Variants in SCAMP1 observed in about 807,000 individuals in gnomAD.
The protein encoded by SCAMP1 is secretory carrier membrane protein 1.
SCAMP1 carries 15 observed loss-of-function variants against 41.8 expected under a neutral mutation model. The observed-to-expected ratio is 0.36, with a 90% CI of 0.24 to 0.55. The LOEUF is 0.55. SCAMP1 is among the 20% of genes least tolerant of loss of function. SCAMP1 has a pLI of 0.86. For missense variants in SCAMP1, 341 were observed against 412.6 expected, an observed-to-expected ratio of 0.83 and a Z score of 1.50; for synonymous variants, 135 against 136.8, an observed-to-expected ratio of 0.99 and a Z score of 0.09.
chr5:78,446,932 A>T (rs531449748), intron 6 of SCAMP1, among the ~76,000 whole-genome samples: 1 of 152,302 alleles, frequency 6.6e-6, no homozygotes, highest in East Asian at 1.9e-4. Context: ...GTGGGCTTGT[A>T]CTGGCCAGTG....
chr5:78,454,727 T>G (rs1561283779), intron 7 of SCAMP1, among the ~76,000 whole-genome samples: 1 of 152,336 alleles, frequency 6.6e-6, no homozygotes, highest in South Asian at 2.1e-4. Context: ...TCCCTCTTTT[T>G]CTATTGATTG....
intron 6 of SCAMP1, among the ~76,000 whole-genome samples, chr5:78,439,514 G>C (rs545101057): frequency 9.2e-5 from 14 of 152,222 alleles, no homozygotes; most frequent in African/African-American, 3.4e-4. Context: ...GTTGAAAATT[G>C]TTTTCTTTAA....
At chr5:78,364,496 CA>C (rs1179277305) in intron 1 of SCAMP1, among the ~76,000 whole-genome samples, 3 of 152,078 alleles carry the variant, frequency 2.0e-5, no homozygotes, top group Non-Finnish European at 4.4e-5. Flanking sequence ...ACAAAGCCCA[CA>C]GAGGCACACT....
chr5:78,369,137 C>T (rs1750877782), intron 1 of SCAMP1, among the ~76,000 whole-genome samples: 1 of 150,396 alleles, frequency 6.6e-6, no homozygotes, highest in South Asian at 2.1e-4. Flanking sequence ...GACAGGGTCT[C>T]TCTCTGTCTC....
rs1363275873 is a variant in SCAMP1 at position 78,449,920 on chromosome 5, T to C, written c.633-13T>C. The C allele has an allele frequency of 2.8e-6, 4 of 1,443,662 alleles. No individual in the cohort carries two copies. The highest frequency in any genetic ancestry group is 1.3e-5 in the South Asian group (1 of 74,752). The allele number at this position is 1,443,662 out of a possible 1,614,324, so 89.4% of individuals were successfully genotyped here. On this transcript the variant is annotated splice_polypyrimidine_tract_variant and intron_variant, in intron 6 of 8. Transcript: ENST00000621999. ...AACCCCCTTTTTTCTTTCTTTCTTT[T>C]TTTTTTTCAAAGGAGTGACAGTTCA...
chr5:78,454,108 T>A (rs996268588), intron 7 of SCAMP1, among the ~76,000 whole-genome samples: 9 of 152,194 alleles, frequency 5.9e-5, no homozygotes, highest in South Asian at 4.1e-4. Flanking sequence ...TTTCTAGATA[T>A]ACAATCATGT....
chr5:78,387,426 G>A (rs1470432544), intron 1 of SCAMP1, among the ~76,000 whole-genome samples: 1 of 149,604 alleles, frequency 6.7e-6, no homozygotes, highest in African/African-American at 2.5e-5. Context: ...TCCTTGATCG[G>A]CTTAAAAGTT....
chr5:78,391,438 G>A (rs1751498627), intron 2 of SCAMP1, among the ~76,000 whole-genome samples: 1 of 151,898 alleles, frequency 6.6e-6, no homozygotes, highest in Non-Finnish European at 1.5e-5. Flanking sequence ...CCCGGACAGG[G>A]CGGCTGGCCT....
chr5:78,435,494 C>G (rs9763867), intron 6 of SCAMP1, among the ~76,000 whole-genome samples: 1 of 152,180 alleles, frequency 6.6e-6, no homozygotes, highest in African/African-American at 2.4e-5. Flanking sequence ...TCTGTCCTTG[C>G]GATAGTTTGC....
At chr5:78,467,879 A>G (rs376477206) in intron 8 of SCAMP1, among the ~76,000 whole-genome samples, 1 of 152,312 alleles carries the variant, frequency 6.6e-6, no homozygotes, top group South Asian at 2.1e-4. Flanking sequence ...ACACTTGGTC[A>G]AAACTGGCAG....
At chr5:78,470,402 T>A (rs1342382729) in intron 8 of SCAMP1, among the ~76,000 whole-genome samples, 1 of 152,218 alleles carries the variant, frequency 6.6e-6, no homozygotes, top group African/African-American at 2.4e-5. Flanking sequence ...ATATTTCATA[T>A]AAATGGAGTT....
rs193149392 is a variant in SCAMP1, at chr5:78,479,961, A to G, written c.*4293A>G. Among the ~76,000 whole-genome samples the G allele has an allele frequency of 5.3e-4, 80 of 152,038 alleles. 2 individuals carry two copies. The highest frequency in any genetic ancestry group is 1.3e-3 in the African/African-American group (53 of 41,486). On this transcript the variant is annotated 3_prime_UTR_variant, in exon 9 of 9. Coordinates refer to ENST00000621999, the MANE Select transcript of SCAMP1 (RefSeq NM_004866.6). ...CTTGGGAGGCTGAGGCAGGAGAATG[A>G]CGTGAACCTGGGAGGCGGAGCTTGC...
chr5:78,371,757 A>G (rs764085494), intron 1 of SCAMP1, among the ~76,000 whole-genome samples: 2 of 152,214 alleles, frequency 1.3e-5, no homozygotes, highest in Non-Finnish European at 2.9e-5. Context: ...TAAAAAATAA[A>G]TGCTTCCTTA....
At position 78,476,281 on chromosome 5, in the gene SCAMP1, A is replaced by G. The variant is rs150611114; in HGVS notation, c.*613A>G. On this transcript the variant is annotated 3_prime_UTR_variant, in exon 9 of 9. Coordinates refer to ENST00000621999, the MANE Select transcript of SCAMP1 (RefSeq NM_004866.6). ...TTTGCATGGGCACCACATTTCTTAT[A>G]TTAAAAGAATTAGTGTTTTGGCTTC... 138 of 152,254 alleles carry G rather than the reference A, an allele frequency of 9.1e-4. No individual in the cohort carries two copies. The highest frequency in any genetic ancestry group is 3.1e-3 in the African/African-American group (130 of 41,546). The allele number at this position is 152,254 out of a possible 1,614,324, so 9.4% of individuals were successfully genotyped here.
Position 78,442,991 on chromosome 5 carries a change from G to A in SCAMP1, c.633-6942G>A, listed in dbSNP as rs1752963882. On this transcript the variant is annotated intron_variant, in intron 6 of 8. Transcript: ENST00000621999. ...GGAGGCCAAGGCAGCCGGATCATGA[G>A]GTCAGGAGTTCGAGACCATCTTGGC... is the stretch of plus-strand genomic sequence containing the variant. 6.6e-5 allele frequency among the ~76,000 whole-genome samples: 10 copies of A among 152,220 alleles called. 1 individual carries two copies. In the South Asian group the frequency reaches 2.1e-3, roughly 32 times the overall value.
intron 4 of SCAMP1, among the ~76,000 whole-genome samples, chr5:78,417,732 T>G (rs562989545): frequency 6.6e-6 from 1 of 152,314 alleles, no homozygotes; most frequent in South Asian, 2.1e-4. Flanking sequence ...GGCTAGCCAC[T>G]TCTGGTTCCA....
At chr5:78,368,060 T>A (rs1281927413) in intron 1 of SCAMP1, among the ~76,000 whole-genome samples, 2 of 152,244 alleles carry the variant, frequency 1.3e-5, no homozygotes, top group Non-Finnish European at 2.9e-5. Flanking sequence ...TCTATTAATT[T>A]TGAACTGTTT....
At chr5:78,379,438 C>A (rs182068893) in intron 1 of SCAMP1, among the ~76,000 whole-genome samples, 91 of 152,264 alleles carry the variant, frequency 6.0e-4, no homozygotes, top group South Asian at 5.8e-3. Context: ...GATATCAGTT[C>A]TTTACCTTCC....
chr5:78,369,029 A>G (rs1000514159), intron 1 of SCAMP1, among the ~76,000 whole-genome samples: 1 of 151,878 alleles, frequency 6.6e-6, no homozygotes, highest in Non-Finnish European at 1.5e-5. Context: ...CAATATTGTA[A>G]TGTCTCAGGG....
Sources: gnomAD v4.1 joint callset for allele counts (sites outside exome capture counted in the v4.1 genomes callset) on GRCh38, gnomAD v4.1.1 for gene constraint, MANE v1.5 for transcripts, NCBI Gene and HGNC (gene_info 2026-07-23, HGNC 2026-07-21) for gene names.